GAREM1: variants seen among roughly 807,000 people sequenced by gnomAD.
GAREM1 encodes the protein GRB2 associated regulator of MAPK1 subtype 1, also known as GRB2-associated and regulator of MAPK protein 1.
GAREM1 carries 26 observed loss-of-function variants against 71.3 expected under a neutral mutation model. That is an observed-to-expected ratio of 0.36 (90% CI 0.27 to 0.51). The LOEUF is 0.51. GAREM1 is among the 20% of genes least tolerant of loss of function. GAREM1 has a pLI of 0.95. For missense variants in GAREM1, 1,026 were observed against 1,103.1 expected (o/e 0.93, Z 0.99); for synonymous variants, 440 against 433.2 (o/e 1.02, Z -0.20).
At chr18:32,375,279 C>T (rs1297177818) in intron 2 of GAREM1, among the ~76,000 whole-genome samples, 2 of 151,970 alleles carry the variant, frequency 1.3e-5, no homozygotes, top group African/African-American at 2.4e-5. Flanking sequence ...TAGAATCTAC[C>T]GATTCTACCT....
intron 1 of GAREM1, among the ~76,000 whole-genome samples, chr18:32,436,230 C>T (rs898797170): frequency 1.3e-5 from 2 of 151,930 alleles, no homozygotes; most frequent in Non-Finnish European, 1.5e-5. Context: ...TGGGGAAATA[C>T]GAAAAGGGAT....
At chr18:32,434,473 T>C (rs979092541) in intron 1 of GAREM1, among the ~76,000 whole-genome samples, 1 of 151,776 alleles carries the variant, frequency 6.6e-6, no homozygotes, top group African/African-American at 2.4e-5. Context: ...TGTCAGAAAG[T>C]AAGAAAATAC....
Position 32,268,018 on chromosome 18 carries a change from A to T in GAREM1, c.2484T>A (p.Asp828Glu). 6.2e-7 allele frequency: 1 copy of T among 1,614,122 alleles called. No homozygotes were observed. The highest frequency in any genetic ancestry group is 1.1e-5 in the South Asian group (1 of 91,072). Residue 828 changes from aspartate to glutamate, a missense_variant, in exon 6 of 6, where the codon GAT becomes GAA. Coordinates refer to ENST00000269209, the MANE Select transcript of GAREM1 (RefSeq NM_001242409.2). ...TTTCAGTAACAAAGAATGATATGAC[A>T]TCTTCGGACAAACCAATGAACCGTA... ...KSLRFIGLSE[D>E]VISFFVTEKI...
chr18:32,371,706 T>A (rs1384801960), intron 2 of GAREM1, among the ~76,000 whole-genome samples: 4 of 151,974 alleles, frequency 2.6e-5, no homozygotes, highest in Non-Finnish European at 4.4e-5. Flanking sequence ...CCCAGGATGG[T>A]ACTCTGGATG....
chr18:32,425,293 T>C (rs537759749), intron 1 of GAREM1, among the ~76,000 whole-genome samples: 1 of 152,352 alleles, frequency 6.6e-6, no homozygotes, highest in Admixed American at 6.5e-5. Flanking sequence ...AAAATTTTAT[T>C]TGGAGCCATT....
intron 1 of GAREM1, among the ~76,000 whole-genome samples, chr18:32,429,867 A>G (rs1196014749): frequency 6.6e-6 from 1 of 152,226 alleles, no homozygotes; most frequent in Non-Finnish European, 1.5e-5. Context: ...TGCATGTAAG[A>G]TAGAAAAAAA....
intron 4 of GAREM1, among the ~76,000 whole-genome samples, chr18:32,280,208 C>T (rs1249605129): frequency 1.3e-5 from 2 of 152,052 alleles, no homozygotes; most frequent in African/African-American, 4.8e-5. Flanking sequence ...AGAGAAAAAG[C>T]CCAAAGACAA....
In GAREM1 at chr18:32,287,647, C is replaced by G; in HGVS notation, c.950G>C (p.Ser317Thr). Reference protein sequence around the residue: ...SLPEHLVKGESWPETLVHHWL... With the variant: ...SLPEHLVKGETWPETLVHHWL... ...GTGATGGACCAGGGTTTCGGGCCAG[C>G]TCTCTCCCTTCACCAGGTGTTCTGG... The change falls in exon 4 of 6, where the codon AGC becomes ACC. Residue 317 changes from serine (S) to threonine (T), a missense_variant. Coordinates refer to ENST00000269209, the MANE Select transcript of GAREM1 (RefSeq NM_001242409.2). The surrounding 1 kb of genome is among the most constrained non-coding windows in gnomAD (Gnocchi z 5.9). 6.2e-7 allele frequency: 1 copy of G among 1,614,194 alleles called. No individual in the cohort carries two copies. Among genetic ancestry groups the G allele is most frequent in the Non-Finnish European group, 8.5e-7 (1 of 1,180,038 alleles).
At chr18:32,440,772 A>AAT (rs1179180363) in intron 1 of GAREM1, among the ~76,000 whole-genome samples, 14 of 152,242 alleles carry the variant, frequency 9.2e-5, no homozygotes, top group African/African-American at 3.4e-4. Flanking sequence ...TTGATGGCAC[A>AAT]GAGGACCATA....
intron 1 of GAREM1, among the ~76,000 whole-genome samples, chr18:32,468,037 ATT>A (rs1380707391): frequency 6.6e-6 from 1 of 152,176 alleles, no homozygotes; most frequent in Non-Finnish European, 1.5e-5. Flanking sequence ...AATACTTAAT[ATT>A]TTCAGGATGT....
At chr18:32,425,296 G>A (rs2048563800) in intron 1 of GAREM1, among the ~76,000 whole-genome samples, 2 of 152,074 alleles carry the variant, frequency 1.3e-5, no homozygotes, top group African/African-American at 4.8e-5. Flanking sequence ...ATTTTATTTG[G>A]AGCCATTTCC....
intron 1 of GAREM1, among the ~76,000 whole-genome samples, chr18:32,457,611 T>C (rs1454675699): frequency 6.6e-6 from 1 of 152,130 alleles, no homozygotes; most frequent in Admixed American, 6.6e-5. Context: ...AAAGTTAATT[T>C]GAAGCTTCTT....
chr18:32,334,655 T>C (rs1029918074), intron 2 of GAREM1, among the ~76,000 whole-genome samples: 2 of 152,204 alleles, frequency 1.3e-5, no homozygotes, highest in African/African-American at 4.8e-5. Context: ...GCATAACCTA[T>C]TCCCTGTGTT....
At chr18:32,316,988 G>C (rs557783142) in intron 2 of GAREM1, among the ~76,000 whole-genome samples, 1 of 152,246 alleles carries the variant, frequency 6.6e-6, no homozygotes, top group South Asian at 2.1e-4. Context: ...CAACACACAA[G>C]TGAATAAGAG....
intron 3 of GAREM1, among the ~76,000 whole-genome samples, chr18:32,301,247 G>A (rs2047198646): frequency 6.6e-6 from 1 of 152,248 alleles, no homozygotes; most frequent in Non-Finnish European, 1.5e-5. Context: ...CCAACCTCTG[G>A]TCTTGCTGCT....
intron 4 of GAREM1, among the ~76,000 whole-genome samples, chr18:32,277,566 A>C (rs1331082539): frequency 6.6e-6 from 1 of 152,248 alleles, no homozygotes; most frequent in Non-Finnish European, 1.5e-5. Context: ...CAACAAAGTC[A>C]AGTGCAACTC....
intron 2 of GAREM1, among the ~76,000 whole-genome samples, chr18:32,310,857 T>G (rs993502869): frequency 2.6e-5 from 4 of 152,104 alleles, no homozygotes; most frequent in Non-Finnish European, 5.9e-5. Flanking sequence ...AATATGCAGG[T>G]AATGTCTAGG....
intron 3 of GAREM1, among the ~76,000 whole-genome samples, chr18:32,308,420 A>T (rs1193307614): frequency 1.3e-5 from 2 of 150,478 alleles, no homozygotes; most frequent in Non-Finnish European, 3.0e-5. Context: ...TTTTAATACT[A>T]GAGAAAATCT....
chr18:32,357,316 A>C (rs1328968252), intron 2 of GAREM1, among the ~76,000 whole-genome samples: 1 of 152,180 alleles, frequency 6.6e-6, no homozygotes, highest in Non-Finnish European at 1.5e-5. Context: ...GTCTCAATTA[A>C]AAATAAATAA....
Sources: allele counts gnomAD v4.1 joint callset (sites outside exome capture counted in the v4.1 genomes callset), GRCh38; gene constraint gnomAD v4.1.1; non-coding constraint Gnocchi (gnomAD v3.1); transcripts MANE v1.5; gene names NCBI Gene and HGNC (gene_info 2026-07-23, HGNC 2026-07-21).